The following PTPRT variants were observed in gnomAD, a reference collection of about 807,000 sequenced individuals.
PTPRT encodes the protein receptor-type tyrosine-protein phosphatase T.
PTPRT carries 56 observed loss-of-function variants against 176.8 expected under a neutral mutation model. The observed-to-expected ratio is 0.32, with a 90% CI of 0.26 to 0.40. The LOEUF is 0.40. Among genes scored for constraint, PTPRT ranks in the 10% least tolerant of loss-of-function variants. The pLI is 1.00. For missense variants in PTPRT, 1,540 were observed against 1,908.2 expected (o/e 0.81, Z 3.60); for synonymous variants, 783 against 739.0 (o/e 1.06, Z -0.96).
At chr20:42,761,816 T>C (rs1376133409) in intron 5 of PTPRT, among the ~76,000 whole-genome samples, 1 of 152,188 alleles carries the variant, frequency 6.6e-6, no homozygotes, top group Non-Finnish European at 1.5e-5. Context: ...CAAAACCTGA[T>C]ATCACTTTGC....
intron 7 of PTPRT, among the ~76,000 whole-genome samples, chr20:42,477,858 C>G (rs371622750): frequency 6.6e-6 from 1 of 152,198 alleles, no homozygotes; most frequent in African/African-American, 2.4e-5. Context: ...TTAGGCTAGA[C>G]AACAGTGGCC....
At chr20:42,998,346 A>G (rs1041949618) in intron 1 of PTPRT, among the ~76,000 whole-genome samples, 3 of 152,164 alleles carry the variant, frequency 2.0e-5, no homozygotes, top group African/African-American at 7.2e-5. Flanking sequence ...CTTTCTTAAT[A>G]TGATTCTGCG....
At chr20:42,702,418 G>T in intron 6 of PTPRT, among the ~76,000 whole-genome samples, 1 of 152,270 alleles carries the variant, frequency 6.6e-6, no homozygotes, top group African/African-American at 2.4e-5. Flanking sequence ...CAACCTTGCT[G>T]CAGAGGCTTT....
chr20:42,434,081 A>G (rs57370890), intron 9 of PTPRT, among the ~76,000 whole-genome samples: 17,551 of 152,196 alleles, frequency 0.12, 1,023 homozygotes, highest in Middle Eastern at 0.14. Context: ...TTAAAAAAAA[A>G]AAGTCACCAT....
chr20:43,050,039 G>A (rs538368928), intron 1 of PTPRT, among the ~76,000 whole-genome samples: 4 of 152,202 alleles, frequency 2.6e-5, no homozygotes, highest in Admixed American at 6.5e-5. Flanking sequence ...ATTTCAAAGG[G>A]AAGGAAGTGG....
intron 7 of PTPRT, among the ~76,000 whole-genome samples, chr20:42,614,457 C>A (rs973929285): frequency 3.3e-5 from 5 of 152,164 alleles, no homozygotes; most frequent in African/African-American, 1.2e-4. Context: ...CAATCAGGGT[C>A]CTGAGCACTG....
chr20:42,422,991 C>T (rs557555685), intron 9 of PTPRT, among the ~76,000 whole-genome samples: 6 of 151,884 alleles, frequency 4.0e-5, no homozygotes, highest in South Asian at 2.1e-4. Context: ...GGGAGCTAAA[C>T]GATGAAAACA....
At chr20:42,916,328 T>G (rs1600553263) in intron 1 of PTPRT, among the ~76,000 whole-genome samples, 1 of 152,134 alleles carries the variant, frequency 6.6e-6, no homozygotes, top group African/African-American at 2.4e-5. Context: ...TATTCCATGG[T>G]GTATATGTGC....
chr20:42,503,040 A>G (rs2071779349), intron 7 of PTPRT, among the ~76,000 whole-genome samples: 1 of 152,054 alleles, frequency 6.6e-6, no homozygotes, highest in Non-Finnish European at 1.5e-5. Context: ...ATGTTAAGGT[A>G]TCCTCTTTTA....
chr20:42,560,947 C>A (rs2072942172), intron 7 of PTPRT, among the ~76,000 whole-genome samples: 1 of 152,174 alleles, frequency 6.6e-6, no homozygotes, highest in African/African-American at 2.4e-5. Context: ...CACCCCCAGC[C>A]TCTTTTTATA....
intron 2 of PTPRT, among the ~76,000 whole-genome samples, chr20:42,846,209 T>C (rs2078368517): frequency 6.6e-6 from 1 of 152,102 alleles, no homozygotes; most frequent in Non-Finnish European, 1.5e-5. Context: ...CATTGCAAAT[T>C]ATGTCTGAAC....
chr20:42,658,988 G>C (rs185766227), intron 7 of PTPRT, among the ~76,000 whole-genome samples: 1 of 152,174 alleles, frequency 6.6e-6, no homozygotes, highest in African/African-American at 2.4e-5. Context: ...GGAAAGAAAT[G>C]TCTCAAAATT....
intron 7 of PTPRT, among the ~76,000 whole-genome samples, chr20:42,648,267 C>T (rs1024080021): frequency 3.9e-5 from 6 of 152,094 alleles, no homozygotes; most frequent in African/African-American, 1.4e-4. Context: ...CACGAACATG[C>T]TTCATTAACA....
intron 7 of PTPRT, among the ~76,000 whole-genome samples, chr20:42,611,809 C>T (rs115067155): frequency 1.3e-5 from 2 of 152,166 alleles, no homozygotes; most frequent in Admixed American, 1.3e-4. Flanking sequence ...CTTCCCCAAC[C>T]CCTCCATCAG....
At chr20:42,426,332 C>G (rs2059163699) in intron 9 of PTPRT, among the ~76,000 whole-genome samples, 1 of 152,096 alleles carries the variant, frequency 6.6e-6, no homozygotes, top group Admixed American at 6.6e-5. Flanking sequence ...AGCATCCAAA[C>G]ATCAAGAGGA....
chr20:42,366,014 T>C (rs2058508976), intron 9 of PTPRT, among the ~76,000 whole-genome samples: 1 of 152,190 alleles, frequency 6.6e-6, no homozygotes, highest in Admixed American at 6.5e-5. Context: ...CAGGAAGACG[T>C]GCTCTCTGCC....
chr20:43,023,031 C>T (rs1215798485), intron 1 of PTPRT, among the ~76,000 whole-genome samples: 2 of 152,202 alleles, frequency 1.3e-5, no homozygotes, highest in Admixed American at 1.3e-4. Context: ...AGCCTACCAG[C>T]CTATCTCTTC....
At chr20:42,775,400 G>A (rs1483528446) in intron 4 of PTPRT, among the ~76,000 whole-genome samples, 2 of 152,208 alleles carry the variant, frequency 1.3e-5, no homozygotes, top group East Asian at 1.9e-4. Flanking sequence ...GATTGTGAGG[G>A]AGAAAGAAAA....
intron 9 of PTPRT, among the ~76,000 whole-genome samples, chr20:42,383,570 C>T (rs1043416714): frequency 3.9e-5 from 6 of 152,162 alleles, no homozygotes; most frequent in African/African-American, 1.4e-4. Context: ...TCTCAGGCCA[C>T]TGATTCTGCA....
Sources: allele counts gnomAD v4.1 joint callset (sites outside exome capture counted in the v4.1 genomes callset), GRCh38; gene constraint gnomAD v4.1.1; transcripts MANE v1.5; gene names NCBI Gene and HGNC (gene_info 2026-07-23, HGNC 2026-07-21).